ACAD9: variants seen among roughly 807,000 people sequenced by gnomAD.
The protein encoded by ACAD9 is acyl-CoA dehydrogenase family member 9.
In ACAD9, 53 loss-of-function variants were observed where a neutral mutation model predicts 70.2. The observed-to-expected ratio is 0.75, with a 90% CI of 0.61 to 0.95. The LOEUF is 0.95. Ranked by LOEUF, ACAD9 falls within the 40% of genes least tolerant of loss-of-function variation. ACAD9 has a pLI of 0.00. For missense variants in ACAD9, 777 were observed against 802.8 expected, an observed-to-expected ratio of 0.97 and a Z score of 0.39; for synonymous variants, 313 against 312.1, an observed-to-expected ratio of 1.00 and a Z score of -0.03.
chr3:128,908,153 G>A (rs769533443), intron 12 of ACAD9, 32 bp from the exon 13 acceptor site: 2 of 1,608,384 alleles, frequency 1.2e-6, no homozygotes, highest in African/African-American at 1.3e-5. Context: ...TGGCCGGGGG[G>A]CAGCCTTTGA....
chr3:128,908,883 C>A, intron 13 of ACAD9, 90 bp from the exon 14 acceptor site: 1 of 1,603,084 alleles, frequency 6.2e-7, no homozygotes, highest in Non-Finnish European at 8.5e-7. Context: ...GAGGGGGGCA[C>A]GGAGCTTCTG....
Position 128,899,521 on chromosome 3 carries a change from A to AC in ACAD9, c.808+61dup, listed in dbSNP as rs1559825710. 4,327 of 1,211,256 alleles carry AC rather than the reference A, an allele frequency of 3.6e-3. 117 individuals are homozygous for AC. The African/African-American group carries it at 0.072, about 20-fold the overall frequency. The allele number at this position is 1,211,256 out of a possible 1,614,324, so 75.0% of individuals were successfully genotyped here. On this transcript the variant is annotated intron_variant, in intron 7 of 17. Transcript: ENST00000308982. ...TGTGTAAGGGGGAGACTGGCCTTTG[A>AC]CGGTGTGTGTGTGTGTGTGTGTGTG...
intron 2 of ACAD9, among the ~76,000 whole-genome samples, chr3:128,886,792 C>T (rs1451317189): frequency 6.7e-6 from 1 of 149,428 alleles, no homozygotes; most frequent in Non-Finnish European, 1.5e-5. Flanking sequence ...GAAAGTTATG[C>T]AAGTCCTTTT....
Position 128,893,600 on chromosome 3 carries a change from C to T in ACAD9, c.290C>T (p.Thr97Ile). 1 of 1,614,118 alleles carries T rather than the reference C, an allele frequency of 6.2e-7. No homozygotes were observed. Among genetic ancestry groups the T allele is most frequent in the Non-Finnish European group, 8.5e-7 (1 of 1,180,014 alleles). ...CAGGAAGGGAAAATCCCAGATGAAA[C>T]TTTGGAGAAATTGAAGAGCCTAGGG... is the stretch of plus-strand genomic sequence containing the variant. ...IDQEGKIPDE[T>I]LEKLKSLGLF... The change falls in exon 3 of 18, where the codon ACT (threonine) becomes ATT (isoleucine). Residue 97 changes from threonine (T) to isoleucine (I), a missense_variant. By Grantham distance (89) the Thr-to-Ile change is moderately conservative. Transcript: ENST00000308982.
intron 17 of ACAD9, among the ~76,000 whole-genome samples, chr3:128,911,383 AGT>A (rs1482878963): frequency 6.6e-6 from 1 of 151,850 alleles, no homozygotes; most frequent in Non-Finnish European, 1.5e-5. Context: ...AGATTGAGCA[AGT>A]GCAGAGCCCT....
At chr3:128,897,412 G>A (rs889796235) in intron 5 of ACAD9, among the ~76,000 whole-genome samples, 2 of 152,110 alleles carry the variant, frequency 1.3e-5, no homozygotes, top group African/African-American at 2.4e-5. Flanking sequence ...TCTTGACCTC[G>A]TGAACCACCT....
chr3:128,889,126 T>C (rs1935336377), intron 2 of ACAD9, among the ~76,000 whole-genome samples: 2 of 151,832 alleles, frequency 1.3e-5, no homozygotes, highest in South Asian at 4.1e-4. Flanking sequence ...TTCAGCACAG[T>C]AATATGCTGT....
At position 128,904,481 on chromosome 3, in the gene ACAD9, C is replaced by T; in HGVS notation, c.1125C>T (p.Cys375=). Reference sequence around the variant, plus strand: ...TGGACCAACCTGGCTTTCCCGACTGCTCCATCGAGGCAGCCATGGTGAAGG... The same window carrying T: ...TGGACCAACCTGGCTTTCCCGACTGTTCCATCGAGGCAGCCATGGTGAAGG... The part of the protein sequence containing the change: ...GMLDQPGFPD[C]SIEAAMVKVF... The change falls in exon 11 of 18, where the codon TGC becomes TGT. Residue 375 remains cysteine (C), a synonymous_variant. Coordinates refer to ENST00000308982, the MANE Select transcript of ACAD9 (RefSeq NM_014049.5). 2 of 1,614,160 alleles carry T rather than the reference C, an allele frequency of 1.2e-6. No homozygotes were observed. The highest frequency in any genetic ancestry group is 1.7e-6 in the Non-Finnish European group (2 of 1,180,038).
At chr3:128,909,574 T>G (rs1185963568) in intron 15 of ACAD9, 153 bp downstream of exon 15, 4 of 831,190 alleles carry the variant, frequency 4.8e-6, no homozygotes, top group Admixed American at 2.2e-5. Flanking sequence ...CAGGCTGACT[T>G]TGTCAGCCTG....
intron 4 of ACAD9, among the ~76,000 whole-genome samples, chr3:128,895,620 T>C (rs1440434409): frequency 1.3e-5 from 2 of 152,208 alleles, no homozygotes; most frequent in African/African-American, 4.8e-5. Context: ...TTGGGTCGCA[T>C]GTCCCTTCCT....
At chr3:128,889,994 C>A (rs1321812289) in intron 2 of ACAD9, among the ~76,000 whole-genome samples, 3 of 151,904 alleles carry the variant, frequency 2.0e-5, no homozygotes, top group Non-Finnish European at 4.4e-5. Context: ...GCTAATAATT[C>A]TTAAAGTTTT....
In ACAD9 at chr3:128,906,211, C is replaced by T. The variant is rs777282696; in HGVS notation, c.1240C>T (p.Arg414Cys). ...LGYTRDYPYE[R>C]ILRDTRILLI... ...CTACACAAGGGACTATCCGTACGAG[C>T]GCATACTGCGTGACACCCGCATCCT... is the stretch of plus-strand genomic sequence containing the variant. Residue 414 changes from arginine (R) to cysteine (C), a missense_variant, in exon 12 of 18, where the codon CGC becomes TGC. Coordinates refer to ENST00000308982, the MANE Select transcript of ACAD9 (RefSeq NM_014049.5). 1.5e-5 allele frequency: 24 copies of T among 1,614,100 alleles called. No homozygotes were observed. The highest frequency in any genetic ancestry group is 6.6e-5 in the South Asian group (6 of 91,094).
intron 2 of ACAD9, among the ~76,000 whole-genome samples, chr3:128,892,236 A>G (rs947294701): frequency 3.3e-5 from 5 of 152,214 alleles, no homozygotes; most frequent in African/African-American, 1.2e-4. Context: ...GAACTCAACA[A>G]ATTATATATT....
chr3:128,911,464 C>T (rs1313589686), intron 17 of ACAD9, among the ~76,000 whole-genome samples: 1 of 151,962 alleles, frequency 6.6e-6, no homozygotes, highest in Non-Finnish European at 1.5e-5. Context: ...GACATAGTCT[C>T]ACTTTGTCAC....
chr3:128,908,831 G>A, intron 13 of ACAD9, 142 bp from the exon 14 acceptor site: 2 of 1,346,812 alleles, frequency 1.5e-6, no homozygotes, highest in Non-Finnish European at 1.0e-6. Flanking sequence ...GTGGGTTTGG[G>A]GGGGTTCAGG....
At chr3:128,899,514 G>T (rs1576340894) in intron 7 of ACAD9, 53 bp downstream of exon 7, 1 of 1,561,796 alleles carries the variant, frequency 6.4e-7, no homozygotes. Context: ...GGGGAGACTG[G>T]CCTTTGACGG....
In ACAD9 at chr3:128,896,541, G is replaced by A; in HGVS notation, c.554+5G>A. The A allele has an allele frequency of 6.2e-7, 1 of 1,613,952 alleles. No individual in the cohort carries two copies. The highest frequency in any genetic ancestry group is 1.1e-5 in the South Asian group (1 of 91,026). ...CTGCCTCACGGAGCCAGCCAGGTCT[G>A]TCTCTGCACAAAACGTTATCCCTCA... On this transcript the variant is annotated splice_donor_5th_base_variant and intron_variant, in intron 5 of 17. Coordinates refer to ENST00000308982, the MANE Select transcript of ACAD9 (RefSeq NM_014049.5).
chr3:128,906,356 G>T (rs7652449), intron 12 of ACAD9, 107 bp downstream of exon 12: 2 of 1,542,020 alleles, frequency 1.3e-6, no homozygotes, highest in Non-Finnish European at 1.8e-6. Context: ...GGGCTGGGTC[G>T]CATGCTCTCA....
chr3:128,885,846 G>T (rs1935228065), intron 2 of ACAD9, among the ~76,000 whole-genome samples: 1 of 152,078 alleles, frequency 6.6e-6, no homozygotes, highest in Non-Finnish European at 1.5e-5. Flanking sequence ...GTGAAACCCT[G>T]TCTCTACTAA....
Sources: allele counts gnomAD v4.1 joint callset (sites outside exome capture counted in the v4.1 genomes callset), GRCh38; gene constraint gnomAD v4.1.1; transcripts MANE v1.5; gene names NCBI Gene and HGNC (gene_info 2026-07-23, HGNC 2026-07-21).